Variants in MYO6 observed in about 807,000 individuals in gnomAD.
MYO6 encodes the protein myosin VI, also known as unconventional myosin-VI.
Under a neutral mutation model 178.7 loss-of-function variants are expected in MYO6, and 74 were observed. The ratio of observed to expected loss-of-function variants is 0.41; its 90% CI spans 0.34 to 0.50. MYO6 has a LOEUF of 0.50. Ranked by LOEUF, MYO6 falls within the 20% of genes least tolerant of loss-of-function variation. The pLI is 0.09. For missense variants in MYO6, 1,330 were observed against 1,547.4 expected (o/e 0.86, Z 2.36); for synonymous variants, 477 against 504.6 (o/e 0.95, Z 0.73).
chr6:75,832,442 G>A (rs1373814682), intron 5 of MYO6, among the ~76,000 whole-genome samples: 1 of 151,914 alleles, frequency 6.6e-6, no homozygotes, highest in Non-Finnish European at 1.5e-5. Flanking sequence ...TGAATTTTTG[G>A]TTGCTAGATT....
intron 1 of MYO6, among the ~76,000 whole-genome samples, chr6:75,784,331 T>C (rs1767292040): frequency 1.3e-5 from 2 of 151,516 alleles, no homozygotes; most frequent in African/African-American, 4.9e-5. Flanking sequence ...TTTGAGGGAC[T>C]TGGAATTGGG....
At chr6:75,817,722 T>TC (rs1338986272) in intron 2 of MYO6, 58 bp downstream of exon 2, 7 of 1,438,912 alleles carry the variant, frequency 4.9e-6, no homozygotes, top group Non-Finnish European at 4.9e-6. Context: ...GTGTTTTTTT[T>TC]CACAAGAGTA....
At chr6:75,894,899 CAT>C in intron 28 of MYO6, 2 of 1,139,310 alleles carry the variant, frequency 1.8e-6, no homozygotes, top group East Asian at 5.3e-5. Context: ...ATCAATTACA[CAT>C]ATGATTCTTG....
chr6:75,771,230 A>G (rs796895428), intron 1 of MYO6, among the ~76,000 whole-genome samples: 19 of 151,370 alleles, frequency 1.3e-4, no homozygotes, highest in African/African-American at 3.9e-4. Flanking sequence ...TCAAACTCCT[A>G]AGCTCAAGTG....
At chr6:75,880,228 G>T (rs1482367711) in intron 22 of MYO6, 108 bp downstream of exon 22, 4 of 853,002 alleles carry the variant, frequency 4.7e-6, no homozygotes, top group Non-Finnish European at 5.5e-6. Flanking sequence ...GAATTATATG[G>T]TCACTAACAA....
At chr6:75,773,057 A>G (rs1446013087) in intron 1 of MYO6, among the ~76,000 whole-genome samples, 1 of 152,256 alleles carries the variant, frequency 6.6e-6, no homozygotes, top group Non-Finnish European at 1.5e-5. Flanking sequence ...ATTGTGACAT[A>G]GAATCCATTA....
intron 2 of MYO6, among the ~76,000 whole-genome samples, chr6:75,818,781 A>G (rs76351659): frequency 0.015 from 2,303 of 152,238 alleles, 59 homozygotes; most frequent in African/African-American, 0.053. Context: ...CCAGTTAAAG[A>G]TACCCTCAGG....
intron 16 of MYO6, chr6:75,865,275 C>G (rs1776552286): frequency 6.6e-6 from 1 of 151,106 alleles, no homozygotes; most frequent in Admixed American, 6.6e-5. Flanking sequence ...CTGGGCCTGA[C>G]CCTGCTTAGC....
intron 1 of MYO6, among the ~76,000 whole-genome samples, chr6:75,787,885 A>G (rs569110236): frequency 1.3e-5 from 2 of 149,056 alleles, no homozygotes; most frequent in Middle Eastern, 7.0e-3. Context: ...TCAGCTTCCC[A>G]AGTAGCTGGG....
intron 30 of MYO6, among the ~76,000 whole-genome samples, chr6:75,907,097 G>C (rs1780385307): frequency 6.6e-6 from 1 of 152,160 alleles, no homozygotes; most frequent in Non-Finnish European, 1.5e-5. Flanking sequence ...AACATCCAGA[G>C]GCCCAGGGAT....
In MYO6 at chr6:75,844,679, T is replaced by C. The variant is rs10943295; in HGVS notation, c.817-218T>C. On this transcript the variant is annotated intron_variant, in intron 9 of 34. Transcript: ENST00000369977. ...ATTTTTAATCATTTTATTTAATCTATGCTCAGAGATTAGGATTTTTAATAT... is the reference window on the plus strand; with the variant it reads ...ATTTTTAATCATTTTATTTAATCTACGCTCAGAGATTAGGATTTTTAATAT... Among the ~76,000 whole-genome samples the C allele has an allele frequency of 0.13, 19,770 of 152,060 alleles. 1,358 individuals carry two copies. Among genetic ancestry groups the C allele is most frequent in the Non-Finnish European group, 0.15 (10,117 of 67,918 alleles).
At chr6:75,863,740 T>C (rs748850314) in intron 16 of MYO6, among the ~76,000 whole-genome samples, 2 of 152,048 alleles carry the variant, frequency 1.3e-5, no homozygotes, top group Non-Finnish European at 2.9e-5. Context: ...TGCCTTGGCT[T>C]CCCAAAGTGC....
chr6:75,862,022 T>C (rs563522441), intron 15 of MYO6, among the ~76,000 whole-genome samples: 1 of 152,236 alleles, frequency 6.6e-6, no homozygotes, highest in Non-Finnish European at 1.5e-5. Flanking sequence ...ATTTTCTCAC[T>C]AATGTAGTTA....
chr6:75,848,260 G>A, intron 10 of MYO6, 91 bp from the exon 11 acceptor site: 1 of 1,171,910 alleles, frequency 8.5e-7, no homozygotes, highest in Non-Finnish European at 1.3e-6. Context: ...ATTTTTGCAT[G>A]TTATATAGTG....
intron 1 of MYO6, among the ~76,000 whole-genome samples, chr6:75,816,767 C>T (rs1264692565): frequency 6.6e-6 from 1 of 152,120 alleles, no homozygotes; most frequent in Non-Finnish European, 1.5e-5. Flanking sequence ...TTTTTTTCAA[C>T]TCTTAGCTAC....
At chr6:75,853,741 TA>T (rs1447074827) in intron 11 of MYO6, among the ~76,000 whole-genome samples, 2 of 152,214 alleles carry the variant, frequency 1.3e-5, no homozygotes, top group African/African-American at 4.8e-5. Flanking sequence ...TTGTAGTTTT[TA>T]ATTAGGTAGT....
intron 8 of MYO6, 91 bp downstream of exon 8, chr6:75,840,773 A>T: frequency 1.0e-5 from 9 of 903,356 alleles, no homozygotes; most frequent in Non-Finnish European, 1.6e-5. Context: ...CTTAATGGTA[A>T]ATACCTTTAA....
intron 1 of MYO6, among the ~76,000 whole-genome samples, chr6:75,787,738 A>ATG (rs1767791225): frequency 1.0e-5 from 1 of 98,410 alleles, no homozygotes; most frequent in African/African-American, 3.6e-5. Context: ...CTCTATATAT[A>ATG]TATATATATA....
chr6:75,879,309 G>T (rs1777821101), intron 20 of MYO6, among the ~76,000 whole-genome samples: 1 of 152,064 alleles, frequency 6.6e-6, no homozygotes, highest in Non-Finnish European at 1.5e-5. Context: ...ACAGTGTCCT[G>T]CAAGGCTCAC....
Sources: allele counts gnomAD v4.1 joint callset (sites outside exome capture counted in the v4.1 genomes callset), GRCh38; gene constraint gnomAD v4.1.1; transcripts MANE v1.5; gene names NCBI Gene and HGNC (gene_info 2026-07-23, HGNC 2026-07-21).